CADM2: variants seen among roughly 807,000 people sequenced by gnomAD.
The protein encoded by CADM2 is immunoglobulin superfamily member 4D.
In CADM2, 12 loss-of-function variants were observed where a neutral mutation model predicts 49.8. The ratio of observed to expected loss-of-function variants is 0.24; its 90% CI spans 0.15 to 0.39. The LOEUF is 0.39. CADM2 is among the 10% of genes least tolerant of loss of function. The probability of loss-of-function intolerance (pLI) is 1.00; values close to 1 mark genes in which losing one functional copy is unlikely to be tolerated. For synonymous variants in CADM2, 214 were observed against 175.4 expected, an observed-to-expected ratio of 1.22 and a Z score of -1.74; for missense variants, 378 against 492.3, an observed-to-expected ratio of 0.77 and a Z score of 2.20.
chr3:85,730,439 C>CAAAA (rs1190277280), intron 2 of CADM2, among the ~76,000 whole-genome samples: 1 of 97,148 alleles, frequency 1.0e-5, no homozygotes, highest in Admixed American at 1.1e-4. Flanking sequence ...CAGACTCTGT[C>CAAAA]TAAATAAAAT....
intron 1 of CADM2, among the ~76,000 whole-genome samples, chr3:85,642,491 A>C (rs2107556309): frequency 6.6e-6 from 1 of 152,318 alleles, no homozygotes; most frequent in African/African-American, 2.4e-5. Context: ...TTTAAAAAAT[A>C]GTTTAAAAAA....
At chr3:85,630,236 C>T (rs1195317369) in intron 1 of CADM2, among the ~76,000 whole-genome samples, 1 of 151,896 alleles carries the variant, frequency 6.6e-6, no homozygotes, top group Non-Finnish European at 1.5e-5. Context: ...TTTTATCTCA[C>T]CCCAGGTCTG....
intron 1 of CADM2, among the ~76,000 whole-genome samples, chr3:85,152,562 T>C (rs532272565): frequency 2.4e-4 from 36 of 152,284 alleles, no homozygotes; most frequent in African/African-American, 8.2e-4. Context: ...CATATCCTCC[T>C]CCCAACCCCA....
At chr3:85,211,427 G>A (rs1027999553) in intron 1 of CADM2, among the ~76,000 whole-genome samples, 1 of 151,986 alleles carries the variant, frequency 6.6e-6, no homozygotes, top group East Asian at 1.9e-4. Flanking sequence ...GGCACTTATT[G>A]CTATAAACTT....
At chr3:85,506,507 A>C (rs143991224) in intron 1 of CADM2, among the ~76,000 whole-genome samples, 3 of 152,330 alleles carry the variant, frequency 2.0e-5, no homozygotes, top group East Asian at 3.9e-4. Context: ...ACACAGCATA[A>C]ATTTAAAATG....
intron 1 of CADM2, among the ~76,000 whole-genome samples, chr3:85,167,190 GC>G (rs1289028728): frequency 6.6e-6 from 1 of 151,976 alleles, no homozygotes; most frequent in Non-Finnish European, 1.5e-5. Context: ...GGTGACTCCT[GC>G]AGAAAGGGTT....
intron 6 of CADM2, among the ~76,000 whole-genome samples, chr3:85,933,827 G>T (rs1261070022): frequency 6.6e-6 from 1 of 152,084 alleles, no homozygotes; most frequent in South Asian, 2.1e-4. Flanking sequence ...CAGTTCAAAC[G>T]ACATCAGGCA....
intron 1 of CADM2, among the ~76,000 whole-genome samples, chr3:85,428,816 G>C (rs2036539939): frequency 6.6e-6 from 1 of 151,294 alleles, no homozygotes; most frequent in East Asian, 1.9e-4. Context: ...GCACCATGCA[G>C]TTTTTCTTTT....
intron 7 of CADM2, among the ~76,000 whole-genome samples, chr3:85,960,014 C>G (rs1286514673): frequency 6.6e-6 from 1 of 151,872 alleles, no homozygotes; most frequent in East Asian, 2.0e-4. Context: ...AAAATTTCTG[C>G]TATCACCACT....
chr3:85,513,004 G>A (rs898978572), intron 1 of CADM2, among the ~76,000 whole-genome samples: 4 of 152,014 alleles, frequency 2.6e-5, no homozygotes, highest in Non-Finnish European at 5.9e-5. Flanking sequence ...TCATAGTTAT[G>A]AGGAAACACA....
chr3:85,403,011 C>A (rs116062386), intron 1 of CADM2, among the ~76,000 whole-genome samples: 1 of 151,974 alleles, frequency 6.6e-6, no homozygotes, highest in African/African-American at 2.4e-5. Flanking sequence ...TATTGCCTCA[C>A]GGTAAACATA....
In CADM2 at chr3:85,912,540, C is replaced by T. The variant is rs775736759; in HGVS notation, c.697C>T (p.His233Tyr). 4.8e-5 allele frequency: 78 copies of T among 1,612,536 alleles called. No individual in the cohort carries two copies. The highest frequency in any genetic ancestry group is 6.4e-5 in the Non-Finnish European group (75 of 1,179,368). ...PQVAMQVLEIHYTPSVKIIPS... is the reference protein window; with the variant it reads ...PQVAMQVLEIYYTPSVKIIPS... ...GGTAGCCATGCAGGTGCTAGAAATA[C>T]ACTGTAAGTAAACACTACTTCCCCC... Residue 233 changes from histidine to tyrosine, a missense_variant, in exon 6 of 10, where the codon CAC (histidine) becomes TAC (tyrosine). Physicochemically the swap from His to Tyr is moderately conservative, Grantham distance 83 (BLOSUM62 2). Coordinates refer to ENST00000383699, the MANE Select transcript of CADM2 (RefSeq NM_001167675.2).
At chr3:85,921,760 C>T (rs1366978078) in intron 6 of CADM2, among the ~76,000 whole-genome samples, 1 of 151,752 alleles carries the variant, frequency 6.6e-6, no homozygotes, top group South Asian at 2.1e-4. Context: ...TGTTATCTCT[C>T]TCTCTCTCTC....
At chr3:85,155,015 G>A (rs1360558131) in intron 1 of CADM2, among the ~76,000 whole-genome samples, 1 of 151,088 alleles carries the variant, frequency 6.6e-6, no homozygotes, top group African/African-American at 2.4e-5. Flanking sequence ...TCGAGACTAG[G>A]AAGAAACTGC....
At chr3:85,167,992 A>G (rs1325403272) in intron 1 of CADM2, among the ~76,000 whole-genome samples, 1 of 152,070 alleles carries the variant, frequency 6.6e-6, no homozygotes, top group African/African-American at 2.4e-5. Flanking sequence ...AAACAGTGAA[A>G]GGGACTAAGC....
At chr3:85,060,493 G>T (rs2036265197) in intron 1 of CADM2, among the ~76,000 whole-genome samples, 1 of 152,090 alleles carries the variant, frequency 6.6e-6, no homozygotes, top group Non-Finnish European at 1.5e-5. Flanking sequence ...CTATCTGTAA[G>T]AATTCAGGAC....
chr3:85,975,108 A>G (rs1401753290), intron 8 of CADM2, among the ~76,000 whole-genome samples: 1 of 151,472 alleles, frequency 6.6e-6, no homozygotes, highest in Non-Finnish European at 1.5e-5. Context: ...ATATATGTAT[A>G]AAGATATATT....
At chr3:85,910,552 A>G (rs993418142) in intron 5 of CADM2, among the ~76,000 whole-genome samples, 1 of 152,116 alleles carries the variant, frequency 6.6e-6, no homozygotes, top group Admixed American at 6.5e-5. Flanking sequence ...AAATGACTTT[A>G]GTAAAAATGA....
At chr3:85,905,584 A>G (rs1366091284) in intron 5 of CADM2, among the ~76,000 whole-genome samples, 2 of 152,146 alleles carry the variant, frequency 1.3e-5, no homozygotes, top group South Asian at 2.1e-4. Context: ...CTATAGAGAA[A>G]TATAAAAATT....
Sources: gnomAD v4.1 joint callset for allele counts (sites outside exome capture counted in the v4.1 genomes callset) on GRCh38, gnomAD v4.1.1 for gene constraint, MANE v1.5 for transcripts, NCBI Gene and HGNC (gene_info 2026-07-23, HGNC 2026-07-21) for gene names.